CRACDL: variants seen among roughly 807,000 people sequenced by gnomAD.
The protein encoded by CRACDL is CRACD-like protein.
Under a neutral mutation model 70.6 loss-of-function variants are expected in CRACDL, and 26 were observed. That is an observed-to-expected ratio of 0.37 (90% confidence interval 0.27 to 0.51). CRACDL has a LOEUF of 0.51. Ranked by LOEUF, CRACDL falls within the 20% of genes least tolerant of loss-of-function variation. The pLI, the probability that CRACDL is intolerant of heterozygous loss-of-function variation, is 0.94. For synonymous variants in CRACDL, 618 were observed against 615.2 expected, an observed-to-expected ratio of 1.00 and a Z score of -0.07; for missense variants, 1,283 against 1,376.9, an observed-to-expected ratio of 0.93 and a Z score of 1.08.
chr2:98,901,594 T>C (rs1244432059), intron 1 of CRACDL, among the ~76,000 whole-genome samples: 1 of 152,130 alleles, frequency 6.6e-6, no homozygotes, highest in Non-Finnish European at 1.5e-5. Context: ...CACACAAAAA[T>C]CACATCAGAC....
intron 1 of CRACDL, among the ~76,000 whole-genome samples, chr2:98,924,467 A>G (rs1708869625): frequency 6.6e-6 from 1 of 152,222 alleles, no homozygotes; most frequent in Non-Finnish European, 1.5e-5. Context: ...TAAGTACCTA[A>G]CAGTGCATGG....
intron 1 of CRACDL, among the ~76,000 whole-genome samples, chr2:98,874,039 A>G (rs943092901): frequency 1.4e-4 from 21 of 152,322 alleles, no homozygotes; most frequent in African/African-American, 5.1e-4. Flanking sequence ...CCGCAAGACA[A>G]GTTTGCTACT....
intron 1 of CRACDL, among the ~76,000 whole-genome samples, chr2:98,928,271 T>G (rs1315395128): frequency 1.3e-5 from 2 of 152,208 alleles, no homozygotes; most frequent in Admixed American, 1.3e-4. Flanking sequence ...ATATGTATGT[T>G]AGCGCATATA....
intron 7 of CRACDL, among the ~76,000 whole-genome samples, chr2:98,806,323 T>A (rs1704290562): frequency 6.6e-6 from 1 of 152,214 alleles, no homozygotes; most frequent in South Asian, 2.1e-4. Flanking sequence ...TGTGTTTGGG[T>A]GTGTGGAGTG....
At chr2:98,863,865 G>A (rs759450255) in intron 1 of CRACDL, among the ~76,000 whole-genome samples, 1 of 152,098 alleles carries the variant, frequency 6.6e-6, no homozygotes, top group Non-Finnish European at 1.5e-5. Flanking sequence ...AGTCAAAATC[G>A]TAGCATCAGA....
At chr2:98,855,424 G>A (rs942166741) in intron 1 of CRACDL, among the ~76,000 whole-genome samples, 1 of 151,916 alleles carries the variant, frequency 6.6e-6, no homozygotes, top group Non-Finnish European at 1.5e-5. Flanking sequence ...GATATATCAC[G>A]AGGCAAAATG....
intron 1 of CRACDL, among the ~76,000 whole-genome samples, chr2:98,913,215 C>T (rs1708584610): frequency 6.6e-6 from 1 of 152,230 alleles, no homozygotes; most frequent in African/African-American, 2.4e-5. Flanking sequence ...GCCATCCCCA[C>T]CCTTGAGAAT....
At chr2:98,913,721 A>G (rs1456588101) in intron 1 of CRACDL, among the ~76,000 whole-genome samples, 2 of 152,170 alleles carry the variant, frequency 1.3e-5, no homozygotes, top group South Asian at 2.1e-4. Flanking sequence ...GCAAATGTAC[A>G]TGGCTGTGCA....
intron 7 of CRACDL, among the ~76,000 whole-genome samples, chr2:98,810,161 T>C (rs1270828499): frequency 1.3e-5 from 2 of 151,974 alleles, no homozygotes; most frequent in Non-Finnish European, 2.9e-5. Context: ...ACCCTGGAAG[T>C]TCTCAAGGGC....
At chr2:98,795,455 T>C (rs1575311588) in intron 9 of CRACDL, among the ~76,000 whole-genome samples, 1 of 152,142 alleles carries the variant, frequency 6.6e-6, no homozygotes, top group Non-Finnish European at 1.5e-5. Flanking sequence ...ACGCCAGATA[T>C]AAAAGGGTAC....
chr2:98,804,289 C>T (rs562046300), intron 7 of CRACDL, among the ~76,000 whole-genome samples: 7 of 152,290 alleles, frequency 4.6e-5, no homozygotes, highest in African/African-American at 9.6e-5. Context: ...TTAAGCTTAC[C>T]GCCATTCCTT....
At chr2:98,803,001 T>C (rs1194741815) in intron 7 of CRACDL, among the ~76,000 whole-genome samples, 2 of 148,584 alleles carry the variant, frequency 1.3e-5, no homozygotes, top group Non-Finnish European at 3.0e-5. Context: ...TGCCTGGCTT[T>C]TTTTTTTTTT....
At chr2:98,914,904 G>C (rs1427351197) in intron 1 of CRACDL, among the ~76,000 whole-genome samples, 1 of 152,200 alleles carries the variant, frequency 6.6e-6, no homozygotes, top group Non-Finnish European at 1.5e-5. Context: ...GAAGGGGAAG[G>C]CTGCTCCCAG....
At chr2:98,866,683 AG>A (rs1000623810) in intron 1 of CRACDL, among the ~76,000 whole-genome samples, 9 of 151,168 alleles carry the variant, frequency 6.0e-5, no homozygotes, top group African/African-American at 2.2e-4. Context: ...AATTAGAGAC[AG>A]GGTTTCACCA....
intron 1 of CRACDL, among the ~76,000 whole-genome samples, chr2:98,885,046 G>C (rs1479619924): frequency 6.6e-6 from 1 of 152,164 alleles, no homozygotes; most frequent in African/African-American, 2.4e-5. Flanking sequence ...GTAGCAAGAG[G>C]GTGCAGGGCA....
chr2:98,841,373 T>C (rs923596876), intron 2 of CRACDL, among the ~76,000 whole-genome samples: 1 of 152,182 alleles, frequency 6.6e-6, no homozygotes, highest in African/African-American at 2.4e-5. Flanking sequence ...ATTCCATTTA[T>C]TCCATTGCTA....
At chr2:98,847,073 T>C (rs11900176) in intron 1 of CRACDL, among the ~76,000 whole-genome samples, 54,936 of 152,160 alleles carry the variant, frequency 0.36, 10,449 homozygotes, top group African/African-American at 0.47. Flanking sequence ...ATTTACACAC[T>C]GCAGATTAGG....
In CRACDL at chr2:98,918,740, G is replaced by GA. The variant is rs564022135; in HGVS notation, c.-11+17197dup. Among the ~76,000 whole-genome samples the GA allele has an allele frequency of 3.6e-4, 54 of 151,932 alleles. 1 individual carries two copies. The highest frequency in any genetic ancestry group is 1.2e-3 in the African/African-American group (51 of 41,452). On this transcript the variant is annotated intron_variant, in intron 1 of 9. Transcript: ENST00000397899. ...GTTGATCATTCGTGTGTCTTCTTTT[G>GA]AAAAAATGTCTATTCATGTCCTTTG...
chr2:98,870,616 G>C (rs546678268), intron 1 of CRACDL, among the ~76,000 whole-genome samples: 48 of 152,230 alleles, frequency 3.2e-4, no homozygotes, highest in Middle Eastern at 3.4e-3. Flanking sequence ...GAAGGGACAG[G>C]GACTGGGCCC....
Sources: gnomAD v4.1 joint callset for allele counts (sites outside exome capture counted in the v4.1 genomes callset) on GRCh38, gnomAD v4.1.1 for gene constraint, MANE v1.5 for transcripts, NCBI Gene and HGNC (gene_info 2026-07-23, HGNC 2026-07-21) for gene names.